Variants in H6PD observed in about 807,000 individuals in gnomAD.
The protein encoded by H6PD is GDH/6PGL endoplasmic bifunctional protein.
Under a neutral mutation model 61.2 loss-of-function variants are expected in H6PD, and 48 were observed. The ratio of observed to expected loss-of-function variants is 0.78; its 90% CI spans 0.62 to 1.00. The LOEUF (loss-of-function observed/expected upper bound fraction) is 1.00, where lower values mean the gene tolerates loss of function less well. H6PD is among the 50% of genes least tolerant of loss of function. H6PD has a pLI of 0.00. For synonymous variants in H6PD, 480 were observed against 457.9 expected, an observed-to-expected ratio of 1.05 and a Z score of -0.62; for missense variants, 1,093 against 1,065.0, an observed-to-expected ratio of 1.03 and a Z score of -0.37.
Position 9,264,011 on chromosome 1 carries a change from G to C in H6PD, c.1518G>C (p.Glu506Asp). 1 of 1,614,224 alleles carries C rather than the reference G, an allele frequency of 6.2e-7. No individual in the cohort carries two copies. The highest frequency in any genetic ancestry group is 8.5e-7 in the Non-Finnish European group (1 of 1,180,042). Residue 506 changes from glutamate (E) to aspartate (D), a missense_variant, in exon 5 of 5, where the codon GAG (glutamate) becomes GAC (aspartate). Coordinates refer to ENST00000377403, the MANE Select transcript of H6PD (RefSeq NM_004285.4). ...KAPRLYPGGA[E>D]NGRLLDFEFS... ...CACGCCTCTACCCTGGAGGAGCTGA[G>C]AATGGCCGTCTGTTGGACTTTGAGT...
chr1:9,242,883 G>T lies in H6PD; in HGVS notation c.-10-2042G>T, dbSNP rs56108736. 3.2e-3 allele frequency: 3,174 copies of T among 985,322 alleles called. 14 individuals carry two copies. Among genetic ancestry groups the T allele is most frequent in the Admixed American group, 5.0e-3 (82 of 16,284 alleles). The allele number at this position is 985,322 out of a possible 1,614,324, so 61.0% of individuals were successfully genotyped here. A position where few individuals can be genotyped will look rare whatever the true frequency, so the allele number is the denominator to read the frequency against. On this transcript the variant is annotated intron_variant, in intron 1 of 4. Coordinates refer to ENST00000377403, the MANE Select transcript of H6PD (RefSeq NM_004285.4). ...TTGCAGCTTCTCCTTCTCTCCAGACGAGCGATTGCCGGTTGAGGAAAAAAC... is the reference window on the plus strand; with the variant it reads ...TTGCAGCTTCTCCTTCTCTCCAGACTAGCGATTGCCGGTTGAGGAAAAAAC...
chr1:9,260,178 G>A (rs1641675867), intron 3 of H6PD, among the ~76,000 whole-genome samples: 2 of 151,670 alleles, frequency 1.3e-5, no homozygotes, highest in Non-Finnish European at 2.9e-5. Context: ...GTGTTATGTT[G>A]TTGTTATGCT....
At chr1:9,259,385 T>G (rs1414858863) in intron 3 of H6PD, among the ~76,000 whole-genome samples, 1 of 152,012 alleles carries the variant, frequency 6.6e-6, no homozygotes, top group East Asian at 1.9e-4. Context: ...CAGTGTTGTG[T>G]TGTTGTTACA....
chr1:9,249,728 G>A (rs997355223), intron 3 of H6PD, among the ~76,000 whole-genome samples: 3 of 152,194 alleles, frequency 2.0e-5, no homozygotes, highest in Admixed American at 6.5e-5. Context: ...TTCAGTCCAC[G>A]TTCCTTGTCA....
At chr1:9,250,531 C>T (rs1330120589) in intron 3 of H6PD, among the ~76,000 whole-genome samples, 3 of 150,422 alleles carry the variant, frequency 2.0e-5, no homozygotes, top group Non-Finnish European at 4.4e-5. Context: ...CCACTCCCCA[C>T]CCCACACATA....
At chr1:9,238,161 G>A (rs1013537543) in intron 1 of H6PD, among the ~76,000 whole-genome samples, 3 of 152,120 alleles carry the variant, frequency 2.0e-5, no homozygotes, top group East Asian at 1.9e-4. Context: ...AGTAAACCAC[G>A]TGGACCTGGT....
In H6PD at chr1:9,259,361, C is replaced by T. The variant is rs138928993; in HGVS notation, c.746-2698C>T. 7.5e-3 allele frequency among the ~76,000 whole-genome samples: 1,142 copies of T among 152,146 alleles called. 12 individuals are homozygous for T. Among genetic ancestry groups the T allele is most frequent in the African/African-American group, 0.026 (1,082 of 41,508 alleles). On this transcript the variant is annotated intron_variant, in intron 3 of 4. Coordinates refer to ENST00000377403, the MANE Select transcript of H6PD (RefSeq NM_004285.4). ...TTGTTACACTGGTGTTGTATGGTTA[C>T]ACCATTGTTGCGCCAGTGTTGTGTT... is the stretch of plus-strand genomic sequence containing the variant.
intron 3 of H6PD, among the ~76,000 whole-genome samples, chr1:9,260,725 G>C (rs1381886243): frequency 6.6e-6 from 1 of 151,988 alleles, no homozygotes; most frequent in Admixed American, 6.6e-5. Flanking sequence ...TTGTTAGGCT[G>C]GTGTTGTTAT....
intron 3 of H6PD, among the ~76,000 whole-genome samples, chr1:9,247,943 C>CT (rs1641237446): frequency 6.6e-6 from 1 of 152,252 alleles, no homozygotes; most frequent in African/African-American, 2.4e-5. Context: ...ACTGTGTCCC[C>CT]AGTCCCCAGC....
intron 1 of H6PD, among the ~76,000 whole-genome samples, chr1:9,239,611 T>C (rs192162403): frequency 2.6e-5 from 4 of 152,328 alleles, no homozygotes; most frequent in Non-Finnish European, 4.4e-5. Context: ...TTTCAAATGA[T>C]CTTTAGTTTG....
In H6PD at chr1:9,234,913, T is replaced by C. The variant is rs1227215020; in HGVS notation, c.-164T>C. ...CGGTATCGGAGTGTCGTGCGGCGCG[T>C]GGCCGCGTGACACGCGCACTTGTCG... On this transcript the variant is annotated 5_prime_UTR_variant, in exon 1 of 5. Coordinates refer to ENST00000377403, the MANE Select transcript of H6PD (RefSeq NM_004285.4). 1.4e-5 allele frequency: 2 copies of C among 147,434 alleles called. No individual in the cohort carries two copies. Among genetic ancestry groups the C allele is most frequent in the Non-Finnish European group, 3.0e-5 (2 of 66,208 alleles). The allele number at this position is 147,434 out of a possible 1,614,324, so 9.1% of individuals were successfully genotyped here.
intron 3 of H6PD, among the ~76,000 whole-genome samples, chr1:9,250,191 G>T (rs924788794): frequency 1.2e-4 from 18 of 152,198 alleles, no homozygotes; most frequent in African/African-American, 3.9e-4. Flanking sequence ...GCTGTCCCGG[G>T]TGAGGGCGGG....
intron 1 of H6PD, among the ~76,000 whole-genome samples, chr1:9,241,945 C>T (rs1386345904): frequency 6.6e-6 from 1 of 152,220 alleles, no homozygotes; most frequent in African/African-American, 2.4e-5. Flanking sequence ...TTTAAGTCAT[C>T]TGGCACACGC....
At position 9,266,671 on chromosome 1, in the gene H6PD, G is replaced by A. The variant is rs888916984; in HGVS notation, c.*1802G>A. On this transcript the variant is annotated 3_prime_UTR_variant, in exon 5 of 5. Coordinates refer to ENST00000377403, the MANE Select transcript of H6PD (RefSeq NM_004285.4). ...TTGGGTGAGGGAGCATGGCAAAGTCGGTTTCTCTCTGGACTGTTTACACTT... is the reference window on the plus strand; with the variant it reads ...TTGGGTGAGGGAGCATGGCAAAGTCAGTTTCTCTCTGGACTGTTTACACTT... The A allele has an allele frequency of 1.3e-5, 2 of 152,184 alleles. No individual in the cohort carries two copies. Among genetic ancestry groups the A allele is most frequent in the Non-Finnish European group, 2.9e-5 (2 of 68,078 alleles). 9.4% of individuals were successfully genotyped at this position (152,184 alleles called of 1,614,324 possible).
Position 9,262,197 on chromosome 1 carries a change from A to G in H6PD, c.884A>G (p.Gln295Arg), listed in dbSNP as rs761970205. 2 of 1,614,206 alleles carry G rather than the reference A, an allele frequency of 1.2e-6. No individual in the cohort carries two copies. The highest frequency in any genetic ancestry group is 3.3e-5 in the Admixed American group (2 of 60,026). ...SAEAVLRHKL[Q>R]VFQALRGLQR... ...GAGGCTGTGCTGCGGCACAAGCTTC[A>G]GGTCTTCCAGGCGCTGCGGGGCCTG... Residue 295 changes from glutamine to arginine, a missense_variant, in exon 4 of 5, where the codon CAG becomes CGG. Gln to Arg is a conservative substitution (Grantham distance 43). Coordinates refer to ENST00000377403, the MANE Select transcript of H6PD (RefSeq NM_004285.4).
At chr1:9,235,831 C>G (rs1258633063) in intron 1 of H6PD, among the ~76,000 whole-genome samples, 1 of 152,120 alleles carries the variant, frequency 6.6e-6, no homozygotes, top group East Asian at 1.9e-4. Flanking sequence ...TGGCTGGTCT[C>G]GAACTCCTGG....
At chr1:9,253,956 C>A (rs1641442261) in intron 3 of H6PD, among the ~76,000 whole-genome samples, 1 of 152,200 alleles carries the variant, frequency 6.6e-6, no homozygotes, top group Non-Finnish European at 1.5e-5. Flanking sequence ...CTCCTTCAGG[C>A]CCACAGAAGC....
rs12040818 is a variant in H6PD at position 9,240,508 on chromosome 1, C to T, written c.-10-4417C>T. Among the ~76,000 whole-genome samples, 128 of 152,236 alleles carry T rather than the reference C, an allele frequency of 8.4e-4. 2 individuals are homozygous for T. In the East Asian group the frequency reaches 0.021, roughly 25 times the overall value. On this transcript the variant is annotated intron_variant, in intron 1 of 4. Coordinates refer to ENST00000377403, the MANE Select transcript of H6PD (RefSeq NM_004285.4). ...CCTTTATCTCACCCTCCCATTTCCT[C>T]GATGAGGAAACTGAGGCCCAGCCAG...
Position 9,263,631 on chromosome 1 carries a change from G to A in H6PD, c.1138G>A (p.Val380Met), listed in dbSNP as rs1638417166. 1 of 1,614,128 alleles carries A rather than the reference G, an allele frequency of 6.2e-7. No individual in the cohort carries two copies. Among genetic ancestry groups the A allele is most frequent in the Non-Finnish European group, 8.5e-7 (1 of 1,180,058 alleles). The change falls in exon 5 of 5, where the codon GTG (valine) becomes ATG (methionine). Residue 380 changes from valine to methionine, a missense_variant. Transcript: ENST00000377403. ...CTTGTTCAAGAACCAGGCCTGCTGT[G>A]TGCAGAGCGAAAAGCACTGGGCCGC... ...RILFKNQACC[V>M]QSEKHWAAAQ...
Sources: allele counts gnomAD v4.1 joint callset (sites outside exome capture counted in the v4.1 genomes callset), GRCh38; gene constraint gnomAD v4.1.1; transcripts MANE v1.5; gene names NCBI Gene and HGNC (gene_info 2026-07-23, HGNC 2026-07-21).